MEI1: variants seen among roughly 807,000 people sequenced by gnomAD.
The protein encoded by MEI1 is meiosis inhibitor protein 1.
A neutral mutation model predicts 146.2 loss-of-function variants in MEI1; 103 were observed. The ratio of observed to expected loss-of-function variants is 0.70; its 90% CI spans 0.60 to 0.83. MEI1 has a LOEUF of 0.83. Among genes scored for constraint, MEI1 ranks in the 40% least tolerant of loss-of-function variants. The pLI is 0.00. For missense variants in MEI1, 1,529 were observed against 1,533.0 expected, an observed-to-expected ratio of 1.00 and a Z score of 0.04; for synonymous variants, 652 against 628.2, an observed-to-expected ratio of 1.04 and a Z score of -0.57.
intron 1 of MEI1, 86 bp downstream of exon 1, chr22:41,699,798 G>T: frequency 1.4e-6 from 2 of 1,431,246 alleles, no homozygotes; most frequent in Non-Finnish European, 1.8e-6. Flanking sequence ...GACCCGCTCC[G>T]GTGAACCCGA....
At chr22:41,702,875 A>G (rs1023467176) in intron 1 of MEI1, among the ~76,000 whole-genome samples, 2 of 151,940 alleles carry the variant, frequency 1.3e-5, no homozygotes, top group Non-Finnish European at 2.9e-5. Context: ...ACCTGCCACC[A>G]TGCCCGAGTA....
At chr22:41,729,642 C>A in intron 7 of MEI1, 23 bp from the exon 8 acceptor site, 2 of 1,549,132 alleles carry the variant, frequency 1.3e-6, no homozygotes, top group Non-Finnish European at 8.8e-7. Context: ...GACTGGGGTA[C>A]TTTTTGCTGC....
At chr22:41,734,350 T>A (rs558848138) in intron 11 of MEI1, among the ~76,000 whole-genome samples, 4 of 152,144 alleles carry the variant, frequency 2.6e-5, no homozygotes, top group African/African-American at 9.6e-5. Flanking sequence ...CCCAGCACTT[T>A]GGGAGGCTGA....
At chr22:41,745,483 CAAG>C (rs759338804) in intron 13 of MEI1, among the ~76,000 whole-genome samples, 33 of 152,280 alleles carry the variant, frequency 2.2e-4, no homozygotes, top group Non-Finnish European at 3.4e-4. Context: ...CTCCTGCCCT[CAAG>C]GAGCTCACAG....
At chr22:41,765,435 C>T (rs1422646223) in intron 19 of MEI1, among the ~76,000 whole-genome samples, 1 of 152,134 alleles carries the variant, frequency 6.6e-6, no homozygotes, top group African/African-American at 2.4e-5. Context: ...GAGCCATGTT[C>T]ATGCCACCGC....
chr22:41,791,639 A>G (rs749500664), intron 26 of MEI1, among the ~76,000 whole-genome samples: 6 of 152,188 alleles, frequency 3.9e-5, no homozygotes, highest in Non-Finnish European at 7.3e-5. Context: ...AAATAAGAAC[A>G]CAGATAATAG....
chr22:41,761,075 G>A (rs748853233), intron 18 of MEI1, among the ~76,000 whole-genome samples: 65 of 152,058 alleles, frequency 4.3e-4, no homozygotes, highest in Admixed American at 3.1e-3. Flanking sequence ...ACTTTGGAAG[G>A]CTGAGGTAGG....
intron 8 of MEI1, 24 bp downstream of exon 8, chr22:41,729,803 TC>T (rs1304518842): frequency 1.3e-6 from 2 of 1,494,346 alleles, no homozygotes; most frequent in Admixed American, 3.9e-5. Flanking sequence ...TCTAACCTTC[TC>T]CTCCCTATAC....
intron 19 of MEI1, among the ~76,000 whole-genome samples, chr22:41,766,824 T>C (rs1054486353): frequency 6.6e-6 from 1 of 152,204 alleles, no homozygotes; most frequent in Non-Finnish European, 1.5e-5. Flanking sequence ...GAGCCACTGC[T>C]CCTGTCTCCA....
chr22:41,749,739 G>C (rs1029528897), intron 15 of MEI1, among the ~76,000 whole-genome samples: 2 of 152,208 alleles, frequency 1.3e-5, no homozygotes, highest in Non-Finnish European at 2.9e-5. Context: ...AACTCAGGTT[G>C]GTGGTAGGAA....
intron 18 of MEI1, chr22:41,759,527 G>A (rs895503453): frequency 6.6e-6 from 1 of 152,174 alleles, no homozygotes; most frequent in African/African-American, 2.4e-5. Context: ...CTACTCGGGA[G>A]GCTGAGGCAG....
chr22:41,721,520 A>G (rs1452339077), intron 6 of MEI1, among the ~76,000 whole-genome samples: 2 of 151,282 alleles, frequency 1.3e-5, no homozygotes, highest in Non-Finnish European at 2.9e-5. Flanking sequence ...CTGGGATTAC[A>G]GGTATGAGTC....
rs768856049 is a variant in MEI1 at position 41,793,846 on chromosome 22, C to G, written c.3363C>G (p.Ser1121=). The part of the protein sequence containing the change: ...NLLVQKDPLL[S]QACVGCLEAL... Reference sequence around the variant, plus strand: ...TTCTGCAGAAGGACCCTCTATTGTCCCAGGCCTGTGTTGGCTGCCTGGAGG... The same window carrying G: ...TTCTGCAGAAGGACCCTCTATTGTCGCAGGCCTGTGTTGGCTGCCTGGAGG... Residue 1121 remains serine, a synonymous_variant, in exon 27 of 31, where the codon TCC becomes TCG. Coordinates refer to ENST00000401548, the MANE Select transcript of MEI1 (RefSeq NM_152513.4). 10 of 1,610,336 alleles carry G rather than the reference C, an allele frequency of 6.2e-6. No individual in the cohort carries two copies. In the East Asian group the frequency reaches 2.2e-4, roughly 36 times the overall value.
chr22:41,781,140 C>G (rs1569314908), intron 22 of MEI1, 144 bp from the exon 23 acceptor site: 1 of 649,594 alleles, frequency 1.5e-6, no homozygotes, highest in Non-Finnish European at 2.8e-6. Flanking sequence ...CACTGTGTTT[C>G]TTTCCATTGG....
chr22:41,786,383 A>G (rs1049473101), intron 26 of MEI1, among the ~76,000 whole-genome samples: 2 of 151,992 alleles, frequency 1.3e-5, no homozygotes, highest in Non-Finnish European at 2.9e-5. Context: ...CAGAAACAAA[A>G]CTCAATTTGG....
At chr22:41,708,268 C>T (rs889805542) in intron 3 of MEI1, among the ~76,000 whole-genome samples, 2 of 152,092 alleles carry the variant, frequency 1.3e-5, no homozygotes, top group African/African-American at 2.4e-5. Flanking sequence ...CTGGTCAAAA[C>T]GATATAGTTA....
Position 41,763,329 on chromosome 22 carries a change from C to CCA in MEI1, c.2268+11_2268+12dup, listed in dbSNP as rs775800525. On this transcript the variant is annotated intron_variant, in intron 19 of 30. Transcript: ENST00000401548. The stretch of plus-strand genomic sequence containing the variant: ...GACAATACACTACGTGAGGTATGGA[C>CCA]CACAATGCCTGGGCTCCTTGTCCTT... The CCA allele has an allele frequency of 5.0e-6, 8 of 1,613,108 alleles. No homozygotes were observed. Among genetic ancestry groups the CCA allele is most frequent in the Non-Finnish European group, 5.1e-6 (6 of 1,179,412 alleles).
At chr22:41,765,771 T>C (rs994028217) in intron 19 of MEI1, among the ~76,000 whole-genome samples, 3 of 152,216 alleles carry the variant, frequency 2.0e-5, no homozygotes, top group Admixed American at 6.5e-5. Context: ...AATTAGGACT[T>C]TCTCTGTTAC....
rs573129820 is a variant in MEI1 at position 41,758,361 on chromosome 22, C to G, written c.1952-4C>G. 1.2e-6 allele frequency: 2 copies of G among 1,611,434 alleles called. No homozygotes were observed. The highest frequency in any genetic ancestry group is 4.5e-5 in the East Asian group (2 of 44,794). Reference sequence around the variant, plus strand: ...TGGCTTTCCTCTACTTATTCCCTCCCTAGAACTCTCTGCAGTGTCTGAGCT... The same window carrying G: ...TGGCTTTCCTCTACTTATTCCCTCCGTAGAACTCTCTGCAGTGTCTGAGCT... On this transcript the variant is annotated splice_region_variant and splice_polypyrimidine_tract_variant and intron_variant, in intron 17 of 30. Coordinates refer to ENST00000401548, the MANE Select transcript of MEI1 (RefSeq NM_152513.4).
Sources: gnomAD v4.1 joint callset for allele counts (sites outside exome capture counted in the v4.1 genomes callset) on GRCh38, gnomAD v4.1.1 for gene constraint, MANE v1.5 for transcripts, NCBI Gene and HGNC (gene_info 2026-07-23, HGNC 2026-07-21) for gene names.